The following JAM2 variants were observed in gnomAD, a reference collection of about 807,000 sequenced individuals.
The protein encoded by JAM2 is junctional adhesion molecule 2.
JAM2 carries 17 observed loss-of-function variants against 42.0 expected under a neutral mutation model. The observed-to-expected ratio is 0.40, with a 90% CI of 0.28 to 0.61. The LOEUF is 0.61. JAM2 is among the 20% of genes least tolerant of loss of function. The pLI, the probability that JAM2 is intolerant of heterozygous loss-of-function variation, is 0.37. For synonymous variants in JAM2, 118 were observed against 128.6 expected (o/e 0.92, Z 0.56); for missense variants, 319 against 358.3 (o/e 0.89, Z 0.89).
intron 7 of JAM2, 41 bp from the exon 8 acceptor site, chr21:25,709,393 A>C: frequency 9.0e-7 from 1 of 1,113,182 alleles, no homozygotes; most frequent in Non-Finnish European, 1.3e-6. Flanking sequence ...ATCATACCAT[A>C]ATAACCCTTG....
chr21:25,711,183 AT>A lies in JAM2; in HGVS notation c.822-1154del, dbSNP rs1310149830. 1.4e-4 allele frequency among the ~76,000 whole-genome samples: 21 copies of A among 152,300 alleles called. 1 individual carries two copies. The East Asian group carries it at 4.0e-3, about 29-fold the overall frequency. On this transcript the variant is annotated intron_variant, in intron 8 of 9. Transcript: ENST00000480456. The stretch of plus-strand genomic sequence containing the variant: ...AGGTTGGAGTGTTTGGAATTTTAAT[AT>A]TTGATATGCTTATTTGATTCCAAGT...
chr21:25,705,934 C>T (rs200797220), intron 6 of JAM2, 45 bp from the exon 7 acceptor site: 18 of 1,262,546 alleles, frequency 1.4e-5, no homozygotes, highest in Admixed American at 1.7e-5. Context: ...TGCATCTGTC[C>T]GTGTAATCCA....
intron 1 of JAM2, among the ~76,000 whole-genome samples, chr21:25,652,358 C>T (rs151017820): frequency 1.4e-3 from 219 of 152,152 alleles, no homozygotes; most frequent in African/African-American, 5.0e-3. Context: ...TGCTACTGCA[C>T]TCTAGCGTGG....
intron 2 of JAM2, among the ~76,000 whole-genome samples, chr21:25,688,252 G>GTGTT (rs2033795792): frequency 6.6e-6 from 1 of 152,038 alleles, no homozygotes; most frequent in African/African-American, 2.4e-5. Flanking sequence ...GGGTGTGTGT[G>GTGTT]TGTGTGTGTG....
Position 25,714,752 on chromosome 21 carries a change from C to T in JAM2, c.*80C>T. ...TATTATAAAACTCTGCTTTGTCCGA[C>T]ATTTGCAAAGAGGTACACGAGGAAA... On this transcript the variant is annotated 3_prime_UTR_variant, in exon 10 of 10. Transcript: ENST00000480456. 1.1e-6 allele frequency: 1 copy of T among 946,368 alleles called. No homozygotes were observed. Among genetic ancestry groups the T allele is most frequent in the South Asian group, 2.1e-5 (1 of 47,304 alleles). 58.6% of individuals were successfully genotyped at this position (946,368 alleles called of 1,614,324 possible).
In JAM2 at chr21:25,639,872, G is replaced by C. The variant is rs370064227; in HGVS notation, c.51G>C (p.Leu17=). Residue 17 remains leucine (L), a synonymous_variant, in exon 1 of 10, where the codon CTG becomes CTC. Transcript: ENST00000480456. ...HRLLLLLLRY[L]VVALGYHKAY... is the part of the protein sequence containing the mutation. ...TCCTCCTGCTGCTGCTGCGCTACCT[G>C]GTGGTCGCCCTGGGCTGTAAGTTGC... 6.3e-7 allele frequency: 1 copy of C among 1,593,908 alleles called. No individual in the cohort carries two copies. Among genetic ancestry groups the C allele is most frequent in the Non-Finnish European group, 8.5e-7 (1 of 1,171,352 alleles).
chr21:25,647,079 C>A (rs990382476), intron 1 of JAM2, among the ~76,000 whole-genome samples: 1 of 152,182 alleles, frequency 6.6e-6, no homozygotes, highest in African/African-American at 2.4e-5. Flanking sequence ...AATGCAGTCA[C>A]CTGCTGTTTT....
intron 1 of JAM2, among the ~76,000 whole-genome samples, chr21:25,665,931 T>G (rs1218725166): frequency 6.6e-6 from 1 of 151,988 alleles, no homozygotes; most frequent in South Asian, 2.1e-4. Flanking sequence ...TTCCAGCTAC[T>G]CGGGAGGCTG....
intron 6 of JAM2, among the ~76,000 whole-genome samples, chr21:25,704,737 G>C (rs1241181176): frequency 6.6e-6 from 1 of 152,042 alleles, no homozygotes; most frequent in African/African-American, 2.4e-5. Context: ...ACAATATTTT[G>C]GTGGATCCAC....
intron 8 of JAM2, 30 bp downstream of exon 8, chr21:25,709,479 TTCTC>T (rs748229802): frequency 7.1e-7 from 1 of 1,410,134 alleles, no homozygotes; most frequent in East Asian, 2.3e-5. Context: ...ATGCATGTCT[TTCTC>T]CTATGTCAAC....
At chr21:25,672,256 G>A (rs575792995) in intron 1 of JAM2, among the ~76,000 whole-genome samples, 1 of 152,126 alleles carries the variant, frequency 6.6e-6, no homozygotes, top group Non-Finnish European at 1.5e-5. Context: ...AGGTGGTTTA[G>A]TAAGTAACAA....
chr21:25,700,566 G>A (rs1165735812), intron 5 of JAM2, among the ~76,000 whole-genome samples: 1 of 152,048 alleles, frequency 6.6e-6, no homozygotes, highest in Non-Finnish European at 1.5e-5. Context: ...TCTCCATGTT[G>A]GCCAGGCTGG....
At chr21:25,669,818 C>CTA (rs1601014052) in intron 1 of JAM2, among the ~76,000 whole-genome samples, 1 of 152,190 alleles carries the variant, frequency 6.6e-6, no homozygotes, top group Non-Finnish European at 1.5e-5. Flanking sequence ...CTCTAATAGA[C>CTA]TACTCTTTTC....
At chr21:25,714,275 G>A (rs756502704) in intron 9 of JAM2, 78 of 1,227,506 alleles carry the variant, frequency 6.4e-5, no homozygotes, top group South Asian at 6.3e-4. Context: ...GGAAGGCCGC[G>A]GCGGGCGGAT....
chr21:25,703,134 G>A (rs935014365), intron 6 of JAM2, among the ~76,000 whole-genome samples: 3 of 152,184 alleles, frequency 2.0e-5, no homozygotes, highest in Non-Finnish European at 4.4e-5. Flanking sequence ...TTACAGGTGT[G>A]AGCCACCGTA....
chr21:25,660,870 C>T (rs2033070705), intron 1 of JAM2, among the ~76,000 whole-genome samples: 1 of 134,824 alleles, frequency 7.4e-6, no homozygotes, highest in Admixed American at 8.0e-5. Flanking sequence ...TCTCAGCTCA[C>T]TGCAACCTCC....
At chr21:25,671,275 T>G (rs2033354302) in intron 1 of JAM2, among the ~76,000 whole-genome samples, 1 of 147,272 alleles carries the variant, frequency 6.8e-6, no homozygotes, top group African/African-American at 2.5e-5. Flanking sequence ...GAGTGGGATA[T>G]TAGTTCCCTG....
chr21:25,645,003 C>G (rs1393194072), intron 1 of JAM2, among the ~76,000 whole-genome samples: 1 of 152,138 alleles, frequency 6.6e-6, no homozygotes, highest in Non-Finnish European at 1.5e-5. Flanking sequence ...GCCTCAGCCT[C>G]CTGAGTAGCT....
intron 6 of JAM2, among the ~76,000 whole-genome samples, chr21:25,703,737 T>A (rs1279467020): frequency 6.8e-6 from 1 of 147,038 alleles, no homozygotes; most frequent in Non-Finnish European, 1.5e-5. Flanking sequence ...GTAAAAAAAA[T>A]GGTACCTTCC....
Sources: gnomAD v4.1 joint callset for allele counts (sites outside exome capture counted in the v4.1 genomes callset) on GRCh38, gnomAD v4.1.1 for gene constraint, MANE v1.5 for transcripts, NCBI Gene and HGNC (gene_info 2026-07-23, HGNC 2026-07-21) for gene names.